Variants in IRS1 observed in about 807,000 individuals in gnomAD.
The protein encoded by IRS1 is insulin receptor substrate 1.
Under a neutral mutation model 65.6 loss-of-function variants are expected in IRS1, and 34 were observed. That is an observed-to-expected ratio of 0.52 (90% CI 0.39 to 0.69). The LOEUF is 0.69. Among genes scored for constraint, IRS1 ranks in the 30% least tolerant of loss-of-function variants. IRS1 has a pLI of 0.00. For missense variants in IRS1, 1,641 were observed against 1,720.2 expected, an observed-to-expected ratio of 0.95 and a Z score of 0.81; for synonymous variants, 699 against 683.5, an observed-to-expected ratio of 1.02 and a Z score of -0.35.
intron 1 of IRS1, among the ~76,000 whole-genome samples, chr2:226,784,467 G>A (rs1939449221): frequency 6.6e-6 from 1 of 151,460 alleles, no homozygotes; most frequent in East Asian, 1.9e-4. Context: ...TTGTCTTTCA[G>A]GCTAGAGTGC....
chr2:226,797,279 C>T lies in IRS1; in HGVS notation c.1460G>A (p.Arg487Gln), dbSNP rs192603668. Residue 487 changes from arginine to glutamine, a missense_variant, in exon 1 of 2, where the codon CGG becomes CAG. Arg to Gln is a conservative substitution (Grantham distance 43, BLOSUM62 1). This residue lies in a region of IRS1 where 1,324 missense variants were observed against 1,361.0 expected (regional missense o/e 0.97). Coordinates refer to ENST00000305123, the MANE Select transcript of IRS1 (RefSeq NM_005544.3). This position sits in a 1 kb window ranked among gnomAD's most constrained non-coding sequence, Gnocchi z 8.1. The part of the protein sequence containing the change: ...TAPNGHYILS[R>Q]GGNGHRCTPG... ...GGTGCAGCGGTGGCCATTGCCACCC[C>T]GAGACAAAATGTAGTGACCGTTGGG... 1.7e-5 allele frequency: 27 copies of T among 1,613,556 alleles called. No individual in the cohort carries two copies. The East Asian group carries it at 3.1e-4, about 19-fold the overall frequency.
At chr2:226,745,869 T>C (rs1266179016) in intron 1 of IRS1, among the ~76,000 whole-genome samples, 1 of 152,108 alleles carries the variant, frequency 6.6e-6, no homozygotes, top group East Asian at 1.9e-4. Context: ...AAAATGAGGA[T>C]GCATCTTGCG....
intron 1 of IRS1, among the ~76,000 whole-genome samples, chr2:226,782,818 T>A (rs1017042527): frequency 1.3e-5 from 2 of 152,182 alleles, no homozygotes; most frequent in Non-Finnish European, 2.9e-5. Flanking sequence ...TTGGCCAACA[T>A]GGTGAAACCC....
At chr2:226,783,433 T>C (rs1243388050) in intron 1 of IRS1, among the ~76,000 whole-genome samples, 1 of 152,232 alleles carries the variant, frequency 6.6e-6, no homozygotes, top group Non-Finnish European at 1.5e-5. Context: ...GCATATTTCT[T>C]TATTTACTTG....
Position 226,732,387 on chromosome 2 carries a change from T to C in IRS1, c.*3885A>G, listed in dbSNP as rs998412924. The C allele has an allele frequency of 2.0e-5, 3 of 151,634 alleles. No individual in the cohort carries two copies. Among genetic ancestry groups the C allele is most frequent in the Admixed American group, 6.6e-5 (1 of 15,172 alleles). 9.4% of individuals were successfully genotyped at this position (151,634 alleles called of 1,614,324 possible). The stretch of plus-strand genomic sequence containing the variant: ...ACTGAGCTCACAGTCTAGAGGTCTT[T>C]TAGTCTTGGCAAGGTCATATTTCCT... On this transcript the variant is annotated 3_prime_UTR_variant, in exon 2 of 2. Coordinates refer to ENST00000305123, the MANE Select transcript of IRS1 (RefSeq NM_005544.3).
In IRS1 at chr2:226,733,143, G is replaced by A. The variant is rs1004429081; in HGVS notation, c.*3129C>T. The A allele has an allele frequency of 6.6e-6, 1 of 152,128 alleles. No individual in the cohort carries two copies. The highest frequency in any genetic ancestry group is 2.4e-5 in the African/African-American group (1 of 41,412). The allele number at this position is 152,128 out of a possible 1,614,324, so 9.4% of individuals were successfully genotyped here. On this transcript the variant is annotated 3_prime_UTR_variant, in exon 2 of 2. Transcript: ENST00000305123. ...TATATTGTATTCAAGATGCAAGATT[G>A]AATAAAACAGGGCTTCAGTATTGTA...
In IRS1 at chr2:226,786,072, C is replaced by G. The variant is rs140306075; in HGVS notation, c.*21+8917G>C. Among the ~76,000 whole-genome samples, 140 of 149,280 alleles carry G rather than the reference C, an allele frequency of 9.4e-4. 3 individuals are homozygous for G. Among genetic ancestry groups the G allele is most frequent in the African/African-American group, 3.3e-3 (132 of 40,406 alleles). ...TCCATGTCCCTACAAAGGACATGCA[C>G]TCGTCCTTTTTTATGGCTGCATCGT... On this transcript the variant is annotated intron_variant, in intron 1 of 1. Transcript: ENST00000305123.
intron 1 of IRS1, among the ~76,000 whole-genome samples, chr2:226,778,576 G>GT (rs1433596938): frequency 1.3e-5 from 2 of 152,026 alleles, no homozygotes; most frequent in Non-Finnish European, 2.9e-5. Flanking sequence ...AAAGGTTAGA[G>GT]TATATACATT....
At position 226,798,506 on chromosome 2, in the gene IRS1, G is replaced by A; in HGVS notation, c.233C>T (p.Ser78Phe). ...SCFNINKRAD[S>F]KNKHLVALYT... Reference sequence around the variant, plus strand: ...GAGAGCCACCAGGTGCTTGTTCTTGGAGTCAGCCCGCTTGTTGATGTTGAA... The same window carrying A: ...GAGAGCCACCAGGTGCTTGTTCTTGAAGTCAGCCCGCTTGTTGATGTTGAA... The change falls in exon 1 of 2, where the codon TCC (serine) becomes TTC (phenylalanine). Residue 78 changes from serine to phenylalanine, a missense_variant. Ser to Phe is a radical substitution (Grantham distance 155, BLOSUM62 -2). Coordinates refer to ENST00000305123, the MANE Select transcript of IRS1 (RefSeq NM_005544.3). The surrounding 1 kb of genome is among the most constrained non-coding windows in gnomAD (Gnocchi z 9.4). 1 of 1,614,102 alleles carries A rather than the reference G, an allele frequency of 6.2e-7. No homozygotes were observed. The highest frequency in any genetic ancestry group is 8.5e-7 in the Non-Finnish European group (1 of 1,180,024).
At chr2:226,789,030 C>T (rs1189712003) in intron 1 of IRS1, among the ~76,000 whole-genome samples, 2 of 152,188 alleles carry the variant, frequency 1.3e-5, no homozygotes, top group Admixed American at 1.3e-4. Flanking sequence ...TCACAAGAAG[C>T]TATTTTCCTT....
At chr2:226,793,110 A>G (rs926797439) in intron 1 of IRS1, among the ~76,000 whole-genome samples, 4 of 152,196 alleles carry the variant, frequency 2.6e-5, no homozygotes, top group Non-Finnish European at 5.9e-5. Context: ...CATCCAACAC[A>G]TAGGAGAATT....
Position 226,798,300 on chromosome 2 carries a change from C to T in IRS1, c.439G>A (p.Glu147Lys), listed in dbSNP as rs767092986. Residue 147 changes from glutamate (E) to lysine (K), a missense_variant, in exon 1 of 2, where the codon GAG (glutamate) becomes AAG (lysine). Physicochemically the swap from Glu to Lys is moderately conservative, Grantham distance 56 (BLOSUM62 1). Around this residue, in one of 3 missense-constraint regions of IRS1, gnomAD observed 240 missense variants for 229.6 expected, o/e 1.05. Transcript: ENST00000305123. The surrounding 1 kb of genome is among the most constrained non-coding windows in gnomAD (Gnocchi z 9.4). The part of the protein sequence containing the change: ...SGSSGLGEAG[E>K]DLSYGDVPPG... ...GGCACGTCACCGTAGCTCAAGTCCTCCCCAGCCTCACCAAGGCCGGAGCTG... is the reference window on the plus strand; with the variant it reads ...GGCACGTCACCGTAGCTCAAGTCCTTCCCAGCCTCACCAAGGCCGGAGCTG... The T allele has an allele frequency of 5.0e-6, 8 of 1,613,010 alleles. No homozygotes were observed. Among genetic ancestry groups the T allele is most frequent in the Non-Finnish European group, 6.8e-6 (8 of 1,179,902 alleles).
intron 1 of IRS1, among the ~76,000 whole-genome samples, chr2:226,754,566 G>A (rs1938757025): frequency 6.6e-6 from 1 of 152,114 alleles, no homozygotes; most frequent in South Asian, 2.1e-4. Context: ...CTAGTAAAGG[G>A]ACAATTAGGA....
chr2:226,732,468 C>CCA lies in IRS1; in HGVS notation c.*3803_*3804insTG, dbSNP rs1938239191. 7.5e-6 allele frequency: 1 copy of CCA among 133,238 alleles called. No homozygotes were observed. The highest frequency in any genetic ancestry group is 2.7e-5 in the African/African-American group (1 of 36,794). The allele number at this position is 133,238 out of a possible 1,614,324, so 8.3% of individuals were successfully genotyped here. ...TCAAGTTTCTCACAAGCCTATACAT[C>CCA]TATATATATATATATATATATATAC... On this transcript the variant is annotated 3_prime_UTR_variant, in exon 2 of 2. Coordinates refer to ENST00000305123, the MANE Select transcript of IRS1 (RefSeq NM_005544.3).
intron 1 of IRS1, among the ~76,000 whole-genome samples, chr2:226,740,755 G>A (rs768939319): frequency 6.6e-6 from 1 of 152,112 alleles, no homozygotes; most frequent in Non-Finnish European, 1.5e-5. Context: ...GGAAATAAGA[G>A]TAAAATATTT....
At position 226,796,342 on chromosome 2, in the gene IRS1, G is replaced by A; in HGVS notation, c.2397C>T (p.Leu799=). 6.2e-7 allele frequency: 1 copy of A among 1,613,336 alleles called. No individual in the cohort carries two copies. The highest frequency in any genetic ancestry group is 2.2e-5 in the East Asian group (1 of 44,884). The change falls in exon 1 of 2, where the codon CTC becomes CTT. Residue 799 remains leucine (L), a synonymous_variant. Transcript: ENST00000305123. ...AAGAATCATCTGCTGTTGCAGCATAGAGAAGGCGACCAGAGCTAGTGGAAA... is the reference window on the plus strand; with the variant it reads ...AAGAATCATCTGCTGTTGCAGCATAAAGAAGGCGACCAGAGCTAGTGGAAA... The part of the protein sequence containing the change: ...LRLSTSSGRL[L]YAATADDSSS...
intron 1 of IRS1, among the ~76,000 whole-genome samples, chr2:226,766,153 A>ATT (rs1422570346): frequency 6.2e-4 from 3 of 4,812 alleles, no homozygotes; most frequent in Admixed American, 4.5e-3. Context: ...ATATATATAT[A>ATT]TATATATATA....
chr2:226,779,191 G>C (rs1372983343), intron 1 of IRS1, among the ~76,000 whole-genome samples: 1 of 152,098 alleles, frequency 6.6e-6, no homozygotes, highest in Non-Finnish European at 1.5e-5. Context: ...TTAAATTTCA[G>C]GTTCAGCAAT....
Position 226,797,674 on chromosome 2 carries a change from G to C in IRS1, c.1065C>G (p.His355Gln). The change falls in exon 1 of 2, where the codon CAC (histidine) becomes CAG (glutamine). Residue 355 changes from histidine to glutamine, a missense_variant. Coordinates refer to ENST00000305123, the MANE Select transcript of IRS1 (RefSeq NM_005544.3). The surrounding 1 kb of genome is among the most constrained non-coding windows in gnomAD (Gnocchi z 8.1). ...SPVSPSTNRT[H>Q]AHRHRGSARL... ...GGGCGCTGCCCCGATGCCGGTGGGC[G>C]TGGGTTCTGTTGGTGCTGGGACTCA... The C allele has an allele frequency of 6.3e-7, 1 of 1,596,852 alleles. No individual in the cohort carries two copies. The highest frequency in any genetic ancestry group is 8.5e-7 in the Non-Finnish European group (1 of 1,178,276).
Sources: gnomAD v4.1 joint callset for allele counts (sites outside exome capture counted in the v4.1 genomes callset) on GRCh38, gnomAD v4.1.1 for gene constraint, gnomAD v4.1.1 regional missense constraint, Gnocchi (gnomAD v3.1) non-coding constraint, MANE v1.5 for transcripts, NCBI Gene and HGNC (gene_info 2026-07-23, HGNC 2026-07-21) for gene names.